SMYD3: variants seen among roughly 807,000 people sequenced by gnomAD.
SMYD3 encodes SET and MYND domain containing 3.
SMYD3 carries 36 observed loss-of-function variants against 57.7 expected under a neutral mutation model. The ratio of observed to expected loss-of-function variants is 0.62; its 90% CI spans 0.48 to 0.82. The LOEUF (loss-of-function observed/expected upper bound fraction) is 0.82, where lower values mean the gene tolerates loss of function less well. SMYD3 is among the 40% of genes least tolerant of loss of function. The probability of loss-of-function intolerance (pLI) is 0.00; values close to 1 mark genes in which losing one functional copy is unlikely to be tolerated. For missense variants in SMYD3, 515 were observed against 538.8 expected, an observed-to-expected ratio of 0.96 and a Z score of 0.44; for synonymous variants, 211 against 195.0, an observed-to-expected ratio of 1.08 and a Z score of -0.68.
At chr1:245,798,388 G>GCACACACACACACAAACACACACA (rs201844137) in intron 10 of SMYD3, among the ~76,000 whole-genome samples, 10 of 2,382 alleles carry the variant, frequency 4.2e-3, no homozygotes, top group Non-Finnish European at 6.3e-3. Flanking sequence ...ACACACACAC[G>GCACACACACACACAAACACACACA]CGCACACACA....
intron 5 of SMYD3, among the ~76,000 whole-genome samples, chr1:245,983,033 C>T (rs1288002181): frequency 6.6e-6 from 1 of 152,198 alleles, no homozygotes; most frequent in African/African-American, 2.4e-5. Flanking sequence ...TCTACCCTTC[C>T]ATAGCAAGGA....
intron 5 of SMYD3, among the ~76,000 whole-genome samples, chr1:246,119,079 A>G (rs186793680): frequency 5.9e-5 from 9 of 152,316 alleles, no homozygotes; most frequent in Admixed American, 1.3e-4. Flanking sequence ...AGAGAGCAGT[A>G]GCACAATCAT....
At chr1:246,320,054 T>G (rs1453548132) in intron 5 of SMYD3, among the ~76,000 whole-genome samples, 1 of 152,226 alleles carries the variant, frequency 6.6e-6, no homozygotes, top group Non-Finnish European at 1.5e-5. Flanking sequence ...CTTGCTTTAT[T>G]TCTAACATAC....
At chr1:245,954,663 G>A (rs1005648020) in intron 5 of SMYD3, among the ~76,000 whole-genome samples, 1 of 152,200 alleles carries the variant, frequency 6.6e-6, no homozygotes, top group Non-Finnish European at 1.5e-5. Flanking sequence ...CAGCCTTGGT[G>A]ACACAGCAAG....
At chr1:245,935,673 T>C (rs906283719) in intron 5 of SMYD3, among the ~76,000 whole-genome samples, 9 of 152,180 alleles carry the variant, frequency 5.9e-5, no homozygotes, top group African/African-American at 1.4e-4. Flanking sequence ...AAATGTAGTA[T>C]AGATACACAA....
chr1:245,973,921 T>C (rs1359862972), intron 5 of SMYD3, among the ~76,000 whole-genome samples: 2 of 152,212 alleles, frequency 1.3e-5, no homozygotes, highest in African/African-American at 2.4e-5. Flanking sequence ...TTAAATTCAA[T>C]TTCAGAGTAT....
chr1:246,081,146 G>A (rs542161573), intron 5 of SMYD3, among the ~76,000 whole-genome samples: 8 of 152,266 alleles, frequency 5.3e-5, no homozygotes, highest in Middle Eastern at 3.4e-3. Flanking sequence ...TTTACATAGC[G>A]TCCATTGATT....
intron 1 of SMYD3, among the ~76,000 whole-genome samples, chr1:246,491,432 G>A (rs1327999496): frequency 2.6e-5 from 4 of 151,942 alleles, no homozygotes; most frequent in South Asian, 4.2e-4. Flanking sequence ...TCCAGCTAGC[G>A]GGGAGGCTGA....
chr1:246,046,679 T>G (rs2059972007), intron 5 of SMYD3, among the ~76,000 whole-genome samples: 1 of 148,374 alleles, frequency 6.7e-6, no homozygotes, highest in Non-Finnish European at 1.5e-5. Flanking sequence ...ATATATATAT[T>G]TTGCTGATGT....
At chr1:245,924,021 T>C (rs2147817214) in intron 7 of SMYD3, among the ~76,000 whole-genome samples, 1 of 152,348 alleles carries the variant, frequency 6.6e-6, no homozygotes, top group East Asian at 1.9e-4. Context: ...TACTAATGCA[T>C]TCAACTTGTG....
At chr1:245,787,266 A>T (rs2047083471) in intron 10 of SMYD3, among the ~76,000 whole-genome samples, 1 of 152,164 alleles carries the variant, frequency 6.6e-6, no homozygotes, top group Admixed American at 6.5e-5. Flanking sequence ...TGGGGAAAAG[A>T]AGCCTCTCTG....
intron 5 of SMYD3, among the ~76,000 whole-genome samples, chr1:246,249,386 G>A (rs1368924793): frequency 6.6e-6 from 1 of 152,138 alleles, no homozygotes; most frequent in Non-Finnish European, 1.5e-5. Flanking sequence ...TTACAGGCAT[G>A]AGCCACCGTA....
At chr1:246,253,080 C>G (rs2063821669) in intron 5 of SMYD3, among the ~76,000 whole-genome samples, 1 of 152,136 alleles carries the variant, frequency 6.6e-6, no homozygotes, top group Admixed American at 6.5e-5. Flanking sequence ...GTGCCTGAAA[C>G]TGATAGTTTG....
chr1:245,972,465 T>C (rs2058325773), intron 5 of SMYD3, among the ~76,000 whole-genome samples: 1 of 152,264 alleles, frequency 6.6e-6, no homozygotes, highest in Non-Finnish European at 1.5e-5. Context: ...GTTGAGTTAA[T>C]TAACCTCTCA....
chr1:245,894,898 G>C (rs954935025), intron 8 of SMYD3, among the ~76,000 whole-genome samples: 1 of 152,208 alleles, frequency 6.6e-6, no homozygotes, highest in Non-Finnish European at 1.5e-5. Context: ...AAATTGTGGA[G>C]AGACCATCTT....
intron 8 of SMYD3, among the ~76,000 whole-genome samples, chr1:245,865,840 T>C (rs575888375): frequency 6.6e-6 from 1 of 152,354 alleles, no homozygotes; most frequent in Admixed American, 6.5e-5. Flanking sequence ...GAAAGTCCTG[T>C]TGGACAGTGC....
rs75025399 is a variant in SMYD3, at chr1:246,273,575, CTTTTT to C, written c.531+53621_531+53625del. The stretch of plus-strand genomic sequence containing the variant: ...GAACGCAGCTTTTGGTTTCACTAAT[CTTTTT>C]TTTTTTTTTTTTTTTTTTTTAAAGA... On this transcript the variant is annotated intron_variant, in intron 5 of 11. Coordinates refer to ENST00000490107, the MANE Select transcript of SMYD3 (RefSeq NM_001167740.2). Among the ~76,000 whole-genome samples, 5 of 84,394 alleles carry C rather than the reference CTTTTT, an allele frequency of 5.9e-5. No individual in the cohort carries two copies. In the South Asian group the frequency reaches 1.7e-3, roughly 29 times the overall value. The allele number at this position is 84,394 out of a possible 152,430, so 55.4% of individuals were successfully genotyped here.
intron 1 of SMYD3, among the ~76,000 whole-genome samples, chr1:246,501,998 T>A (rs2068463260): frequency 6.6e-6 from 1 of 152,210 alleles, no homozygotes; most frequent in Admixed American, 6.5e-5. Flanking sequence ...CCCTCATATA[T>A]GAAGATGTTC....
At chr1:245,813,186 T>A (rs967345128) in intron 10 of SMYD3, among the ~76,000 whole-genome samples, 1 of 151,946 alleles carries the variant, frequency 6.6e-6, no homozygotes, top group East Asian at 1.9e-4. Context: ...GGCTAATTTT[T>A]GTATTTTTAG....
Sources: allele counts gnomAD v4.1 joint callset (sites outside exome capture counted in the v4.1 genomes callset), GRCh38; gene constraint gnomAD v4.1.1; transcripts MANE v1.5; gene names NCBI Gene and HGNC (gene_info 2026-07-23, HGNC 2026-07-21).